The following STK32C variants were observed in gnomAD, a reference collection of about 807,000 sequenced individuals.
STK32C encodes the protein serine/threonine kinase 32C.
Under a neutral mutation model 56.5 loss-of-function variants are expected in STK32C, and 31 were observed. The ratio of observed to expected loss-of-function variants is 0.55; its 90% CI spans 0.41 to 0.74. The LOEUF (loss-of-function observed/expected upper bound fraction) is 0.74. STK32C is among the 30% of genes least tolerant of loss of function. STK32C has a pLI of 0.00. For synonymous variants in STK32C, 309 were observed against 289.4 expected (o/e 1.07, Z -0.69); for missense variants, 544 against 676.9 (o/e 0.80, Z 2.18).
At chr10:132,314,088 C>T (rs954928581) in intron 1 of STK32C, among the ~76,000 whole-genome samples, 7 of 152,348 alleles carry the variant, frequency 4.6e-5, no homozygotes, top group African/African-American at 1.7e-4. Context: ...AGCCCTCGGC[C>T]AGCACCGCGA....
intron 1 of STK32C, among the ~76,000 whole-genome samples, chr10:132,272,507 G>A (rs1486339755): frequency 5.3e-5 from 8 of 152,154 alleles, no homozygotes; most frequent in East Asian, 3.9e-4. Flanking sequence ...CAGCTCATCC[G>A]GATGCTCGGC....
chr10:132,310,625 CCT>C (rs1418645421), upstream of STK32C, among the ~76,000 whole-genome samples: 2 of 152,284 alleles, frequency 1.3e-5, no homozygotes, highest in East Asian at 1.9e-4. The surrounding 1 kb of genome is among the most constrained non-coding windows in gnomAD (Gnocchi z 4.6). Flanking sequence ...CCTGAGTTCC[CCT>C]GTGTGCCCAT....
In STK32C at chr10:132,224,399, G is replaced by A. The variant is rs747529725; in HGVS notation, c.993+8C>T. 11 of 1,545,450 alleles carry A rather than the reference G, an allele frequency of 7.1e-6. No individual in the cohort carries two copies. The South Asian group carries it at 9.5e-5, about 13-fold the overall frequency. ...GGAGGGTGAGGAGGCTCAGGGATGG[G>A]GGCTCACCTTCCGCAGCAAGGCCAC... On this transcript the variant is annotated splice_region_variant and intron_variant, in intron 8 of 11. Coordinates refer to ENST00000298630, the MANE Select transcript of STK32C (RefSeq NM_173575.4).
intron 1 of STK32C, among the ~76,000 whole-genome samples, chr10:132,287,997 C>T (rs182714636): frequency 7.5e-4 from 114 of 152,012 alleles, no homozygotes; most frequent in Non-Finnish European, 1.3e-3. Context: ...GGGGTAAAGA[C>T]GGCCATACAG....
chr10:132,283,834 C>T (rs949828229), intron 1 of STK32C, among the ~76,000 whole-genome samples: 5 of 152,192 alleles, frequency 3.3e-5, no homozygotes, highest in Admixed American at 6.5e-5. Flanking sequence ...CTTCTCCCCA[C>T]GCTCTGCTGG....
chr10:132,267,660 TGTGTGTGTCG>T (rs1329595004), intron 1 of STK32C, among the ~76,000 whole-genome samples: 4 of 141,944 alleles, frequency 2.8e-5, no homozygotes, highest in South Asian at 2.2e-4. Flanking sequence ...ACATCATGTG[TGTGTGTGTCG>T]GTGTGTGTGC....
At chr10:132,269,820 C>T (rs1357010462) in intron 1 of STK32C, among the ~76,000 whole-genome samples, 4 of 152,232 alleles carry the variant, frequency 2.6e-5, no homozygotes, top group African/African-American at 9.6e-5. Context: ...TCTCCCAAGC[C>T]TGAGAGGTTG....
intron 1 of STK32C, among the ~76,000 whole-genome samples, chr10:132,291,129 G>C (rs945500069): frequency 6.6e-6 from 1 of 152,220 alleles, no homozygotes; most frequent in African/African-American, 2.4e-5. Flanking sequence ...CCACCGGAGG[G>C]CAAATGTAAT....
upstream of STK32C, chr10:132,331,865 G>T (rs770544708): frequency 2.2e-6 from 3 of 1,352,872 alleles, no homozygotes; most frequent in Non-Finnish European, 3.0e-6. Context: ...CGTTGGCCGC[G>T]TGCGTGCGCA....
chr10:132,247,216 G>A (rs2063724231), intron 1 of STK32C, among the ~76,000 whole-genome samples: 2 of 152,218 alleles, frequency 1.3e-5, no homozygotes, highest in South Asian at 4.1e-4. Flanking sequence ...GCCGTCTGGT[G>A]GGGCAAGTGC....
intron 1 of STK32C, among the ~76,000 whole-genome samples, chr10:132,265,559 G>A (rs376646321): frequency 2.0e-5 from 3 of 152,294 alleles, no homozygotes; most frequent in East Asian, 3.9e-4. Context: ...CATCAGCCCC[G>A]CACAGCCCTG....
intron 1 of STK32C, among the ~76,000 whole-genome samples, chr10:132,250,131 T>TG (rs753348079): frequency 6.6e-6 from 1 of 152,208 alleles, no homozygotes; most frequent in South Asian, 2.1e-4. Flanking sequence ...CAGAGCTCCC[T>TG]GCACGCTGGC....
intron 10 of STK32C, among the ~76,000 whole-genome samples, chr10:132,217,663 T>C (rs887873880): frequency 6.6e-6 from 1 of 152,122 alleles, no homozygotes; most frequent in African/African-American, 2.4e-5. Flanking sequence ...GATTGAATTA[T>C]GGGGGCGGGT....
At chr10:132,295,044 G>C (rs762884320) in intron 1 of STK32C, among the ~76,000 whole-genome samples, 2 of 152,180 alleles carry the variant, frequency 1.3e-5, no homozygotes, top group Non-Finnish European at 2.9e-5. Context: ...AGTAAACCCA[G>C]AGAAACAGCC....
chr10:132,292,648 C>G (rs1177447204), intron 1 of STK32C, among the ~76,000 whole-genome samples: 1 of 152,228 alleles, frequency 6.6e-6, no homozygotes, highest in Admixed American at 6.5e-5. Flanking sequence ...GGCTAATCCA[C>G]AGATTCCCGG....
chr10:132,265,991 G>A (rs758603652), intron 1 of STK32C, among the ~76,000 whole-genome samples: 2 of 152,162 alleles, frequency 1.3e-5, no homozygotes, highest in Middle Eastern at 3.2e-3. Context: ...TCCATTCCTA[G>A]CTATTTACAC....
intron 10 of STK32C, among the ~76,000 whole-genome samples, chr10:132,216,591 C>A (rs954327430): frequency 6.6e-6 from 1 of 152,166 alleles, no homozygotes; most frequent in Non-Finnish European, 1.5e-5. Flanking sequence ...GGGCATGCCA[C>A]AGACCTTTGC....
intron 1 of STK32C, among the ~76,000 whole-genome samples, chr10:132,296,627 T>A (rs1186905683): frequency 6.6e-6 from 1 of 152,202 alleles, no homozygotes; most frequent in Non-Finnish European, 1.5e-5. Flanking sequence ...GATGCTGGAT[T>A]TCTTAATTTT....
At chr10:132,310,299 G>A (rs2066195155), upstream of STK32C, among the ~76,000 whole-genome samples, 1 of 152,360 alleles carries the variant, frequency 6.6e-6, no homozygotes, top group South Asian at 2.1e-4. The surrounding 1 kb of genome is among the most constrained non-coding windows in gnomAD (Gnocchi z 4.6). Flanking sequence ...AGAATGCCGG[G>A]TCCTAAGATT....
Sources: gnomAD v4.1 joint callset for allele counts (sites outside exome capture counted in the v4.1 genomes callset) on GRCh38, gnomAD v4.1.1 for gene constraint, Gnocchi (gnomAD v3.1) non-coding constraint, MANE v1.5 for transcripts, NCBI Gene and HGNC (gene_info 2026-07-23, HGNC 2026-07-21) for gene names.